Variants in ZBTB41 observed in about 807,000 individuals in gnomAD.
ZBTB41 encodes the protein zinc finger and BTB domain-containing protein 41.
Under a neutral mutation model 87.6 loss-of-function variants are expected in ZBTB41, and 42 were observed. The ratio of observed to expected loss-of-function variants is 0.48; its 90% CI spans 0.37 to 0.62. The LOEUF (loss-of-function observed/expected upper bound fraction) is 0.62, where lower values mean the gene tolerates loss of function less well. Among genes scored for constraint, ZBTB41 ranks in the 20% least tolerant of loss-of-function variants. The pLI is 0.00. For synonymous variants in ZBTB41, 364 were observed against 364.0 expected, an observed-to-expected ratio of 1.00 and a Z score of 0.00; for missense variants, 799 against 1,078.9, an observed-to-expected ratio of 0.74 and a Z score of 3.63.
chr1:197,170,147 T>C lies in ZBTB41; in HGVS notation c.2074+2013A>G, dbSNP rs890767803. Among the ~76,000 whole-genome samples, 14 of 151,732 alleles carry C rather than the reference T, an allele frequency of 9.2e-5. 1 individual carries two copies. The highest frequency in any genetic ancestry group is 8.5e-4 in the Admixed American group (13 of 15,218). ...TTTATTGTTTCTCCAGATGAGGATA[T>C]GGAGAAAAGACATACTAACAGAAGA... On this transcript the variant is annotated intron_variant, in intron 10 of 10. Coordinates refer to ENST00000367405, the MANE Select transcript of ZBTB41 (RefSeq NM_194314.3).
intron 9 of ZBTB41, among the ~76,000 whole-genome samples, chr1:197,174,112 C>A (rs971883545): frequency 4.6e-5 from 7 of 152,022 alleles, no homozygotes; most frequent in Non-Finnish European, 8.8e-5. Context: ...TTCTGTAGGG[C>A]CTTGCATGGC....
chr1:197,166,866 A>AC (rs1457753268), intron 10 of ZBTB41, among the ~76,000 whole-genome samples: 5 of 151,810 alleles, frequency 3.3e-5, no homozygotes, highest in African/African-American at 1.2e-4. Flanking sequence ...AACAACAACA[A>AC]AAAAATTTAA....
At chr1:197,166,571 C>G (rs1251322898) in intron 10 of ZBTB41, among the ~76,000 whole-genome samples, 2 of 151,976 alleles carry the variant, frequency 1.3e-5, no homozygotes, top group African/African-American at 2.4e-5. Context: ...TTAGGCCCAG[C>G]ATGGTGGCTC....
chr1:197,192,336 T>G (rs868350021), intron 2 of ZBTB41, among the ~76,000 whole-genome samples: 1 of 152,216 alleles, frequency 6.6e-6, no homozygotes. Flanking sequence ...ATATGGATAC[T>G]GGCTCTCTAA....
chr1:197,182,501 T>C (rs1469090013), intron 5 of ZBTB41, among the ~76,000 whole-genome samples: 1 of 150,484 alleles, frequency 6.6e-6, no homozygotes, highest in African/African-American at 2.4e-5. Flanking sequence ...GGTCTCAAAC[T>C]CCTGGGCTCA....
chr1:197,159,501 G>C lies in ZBTB41; in HGVS notation c.2588C>G (p.Thr863Ser), dbSNP rs1368765795. Reference protein sequence around the residue: ...DLAFLEKYTLTPQPANIVHPV... With the variant: ...DLAFLEKYTLSPQPANIVHPV... ...GTGAACTATATTTGCAGGTTGAGGAGTAAGAGTATATTTTTCCAGAAAAGC... is the reference window on the plus strand; with the variant it reads ...GTGAACTATATTTGCAGGTTGAGGACTAAGAGTATATTTTTCCAGAAAAGC... The change falls in exon 11 of 11, where the codon ACT becomes AGT. Residue 863 changes from threonine to serine, a missense_variant. Coordinates refer to ENST00000367405, the MANE Select transcript of ZBTB41 (RefSeq NM_194314.3). 6.2e-7 allele frequency: 1 copy of C among 1,613,950 alleles called. No homozygotes were observed. The highest frequency in any genetic ancestry group is 8.5e-7 in the Non-Finnish European group (1 of 1,179,848).
intron 10 of ZBTB41, among the ~76,000 whole-genome samples, chr1:197,162,352 T>C (rs1007710568): frequency 6.6e-6 from 1 of 152,002 alleles, no homozygotes; most frequent in Non-Finnish European, 1.5e-5. Context: ...GCAAGTAGAG[T>C]GCATCTCAAG....
In ZBTB41 at chr1:197,153,950, G is replaced by A. The variant is rs1659003324; in HGVS notation, c.*5409C>T. 6.6e-6 allele frequency: 1 copy of A among 152,384 alleles called. No individual in the cohort carries two copies. Among genetic ancestry groups the A allele is most frequent in the Non-Finnish European group, 1.5e-5 (1 of 67,972 alleles). The allele number at this position is 152,384 out of a possible 1,614,324, so 9.4% of individuals were successfully genotyped here. A position where few individuals can be genotyped will look rare whatever the true frequency, so the allele number is the denominator to read the frequency against. On this transcript the variant is annotated 3_prime_UTR_variant, in exon 11 of 11. Transcript: ENST00000367405. ...AAAACAAAAATTATTATTTGAGACT[G>A]AAAACAAGTGCAAAAGCATTTCTAC...
intron 10 of ZBTB41, among the ~76,000 whole-genome samples, chr1:197,169,116 TGTGGCTGCTG>T (rs1659417370): frequency 6.6e-6 from 1 of 152,076 alleles, no homozygotes; most frequent in Admixed American, 6.6e-5. Context: ...GATTCTCATA[TGTGGCTGCTG>T]GTGGTGTAAA....
chr1:197,166,674 T>A lies in ZBTB41; in HGVS notation c.2074+5486A>T, dbSNP rs1571648126. On this transcript the variant is annotated intron_variant, in intron 10 of 10. Transcript: ENST00000367405. ...GCCTGGCCAAGATGGTGAAACCTCATCTCTACTTAAAAAAAAAAAAAAATT... is the reference window on the plus strand; with the variant it reads ...GCCTGGCCAAGATGGTGAAACCTCAACTCTACTTAAAAAAAAAAAAAAATT... Among the ~76,000 whole-genome samples the A allele has an allele frequency of 1.5e-5, 2 of 134,216 alleles. 1 individual carries two copies. Among genetic ancestry groups the A allele is most frequent in the African/African-American group, 5.0e-5 (2 of 40,328 alleles). The allele number at this position is 134,216 out of a possible 152,430, so 88.1% of individuals were successfully genotyped here. A position where few individuals can be genotyped will look rare whatever the true frequency, so the allele number is the denominator to read the frequency against.
chr1:197,183,243 A>C (rs1305867510), intron 5 of ZBTB41, among the ~76,000 whole-genome samples: 3 of 152,196 alleles, frequency 2.0e-5, no homozygotes. Flanking sequence ...ATTCAGAGAA[A>C]GAGAATGAAA....
In ZBTB41 at chr1:197,182,405, C is replaced by T. The variant is rs143710240; in HGVS notation, c.1547-1288G>A. On this transcript the variant is annotated intron_variant, in intron 5 of 10. Transcript: ENST00000367405. Reference sequence around the variant, plus strand: ...AACCTATTTTAAACAACCTCCTGGGCTCAAGCAATCCTTCCACTTCAGCCT... The same window carrying T: ...AACCTATTTTAAACAACCTCCTGGGTTCAAGCAATCCTTCCACTTCAGCCT... Among the ~76,000 whole-genome samples the T allele has an allele frequency of 6.3e-3, 957 of 152,106 alleles. 8 individuals are homozygous for T. The highest frequency in any genetic ancestry group is 0.021 in the African/African-American group (892 of 41,498).
At chr1:197,189,570 G>A (rs1400129003) in intron 4 of ZBTB41, among the ~76,000 whole-genome samples, 6 of 151,816 alleles carry the variant, frequency 4.0e-5, no homozygotes, top group Non-Finnish European at 8.8e-5. Context: ...AATAATTAGA[G>A]GTACTGTAGA....
chr1:197,177,741 G>A (rs1193777866), intron 7 of ZBTB41, among the ~76,000 whole-genome samples: 3 of 151,994 alleles, frequency 2.0e-5, no homozygotes, highest in Admixed American at 1.3e-4. Context: ...GAAAGGAATA[G>A]CTTTCCCTTG....
At chr1:197,165,794 C>T (rs999494386) in intron 10 of ZBTB41, among the ~76,000 whole-genome samples, 13 of 152,088 alleles carry the variant, frequency 8.5e-5, no homozygotes, top group African/African-American at 3.1e-4. Flanking sequence ...ATATATAAGC[C>T]AGTGGCTGAC....
At chr1:197,198,501 A>G (rs912521711) in intron 2 of ZBTB41, among the ~76,000 whole-genome samples, 1 of 152,090 alleles carries the variant, frequency 6.6e-6, no homozygotes, top group Non-Finnish European at 1.5e-5. Context: ...TTTTTTTATC[A>G]TTATATGTGG....
intron 10 of ZBTB41, among the ~76,000 whole-genome samples, chr1:197,169,233 T>C (rs1043984345): frequency 2.0e-5 from 3 of 151,978 alleles, no homozygotes; most frequent in East Asian, 3.9e-4. Flanking sequence ...CATGAATATA[T>C]ATAAGAGAAA....
chr1:197,167,103 T>C (rs369505631), intron 10 of ZBTB41, among the ~76,000 whole-genome samples: 1 of 152,240 alleles, frequency 6.6e-6, no homozygotes, highest in East Asian at 1.9e-4. Context: ...ACCAAAAAAA[T>C]GTACAAAATA....
At chr1:197,195,452 C>T (rs1257468287) in intron 2 of ZBTB41, among the ~76,000 whole-genome samples, 1 of 152,170 alleles carries the variant, frequency 6.6e-6, no homozygotes. Flanking sequence ...GATATTGCTA[C>T]ATCTTAAAAT....
Sources: allele counts gnomAD v4.1 joint callset (sites outside exome capture counted in the v4.1 genomes callset), GRCh38; gene constraint gnomAD v4.1.1; transcripts MANE v1.5; gene names NCBI Gene and HGNC (gene_info 2026-07-23, HGNC 2026-07-21).